The following MAGI2 variants were observed in gnomAD, a reference collection of about 807,000 sequenced individuals.
MAGI2 encodes the protein membrane-associated guanylate kinase, WW and PDZ domain-containing protein 2.
A neutral mutation model predicts 133.3 loss-of-function variants in MAGI2; 35 were observed. The observed-to-expected ratio is 0.26, with a 90% CI of 0.20 to 0.35. MAGI2 has a LOEUF of 0.35. Among genes scored for constraint, MAGI2 ranks in the 10% least tolerant of loss-of-function variants. The pLI, the probability that MAGI2 is intolerant of heterozygous loss-of-function variation, is 1.00. For synonymous variants in MAGI2, 729 were observed against 710.6 expected, an observed-to-expected ratio of 1.03 and a Z score of -0.41; for missense variants, 1,636 against 1,863.4, an observed-to-expected ratio of 0.88 and a Z score of 2.25.
chr7:79,383,984 A>G (rs1351264989), intron 1 of MAGI2, among the ~76,000 whole-genome samples: 1 of 151,614 alleles, frequency 6.6e-6, no homozygotes, highest in Non-Finnish European at 1.5e-5. Flanking sequence ...GGAAGAGACA[A>G]CTGTATATCA....
intron 1 of MAGI2, among the ~76,000 whole-genome samples, chr7:79,102,084 T>A (rs1489994027): frequency 6.6e-6 from 1 of 152,156 alleles, no homozygotes; most frequent in Non-Finnish European, 1.5e-5. Flanking sequence ...ATTATACAAA[T>A]TTTAATGACT....
chr7:78,829,785 T>A (rs1217779611), intron 2 of MAGI2, among the ~76,000 whole-genome samples: 1 of 152,116 alleles, frequency 6.6e-6, no homozygotes, highest in Non-Finnish European at 1.5e-5. Context: ...AAAAGTTCAA[T>A]TTTTTAGTTC....
chr7:78,194,843 T>G (rs375545023), intron 12 of MAGI2, 31 bp downstream of exon 12: 2 of 1,527,616 alleles, frequency 1.3e-6, no homozygotes, highest in South Asian at 1.3e-5. Context: ...CTATTATTAA[T>G]GTACCCTTGT....
chr7:79,110,187 C>G (rs1420101127), intron 1 of MAGI2, among the ~76,000 whole-genome samples: 2 of 152,006 alleles, frequency 1.3e-5, no homozygotes, highest in African/African-American at 4.8e-5. Flanking sequence ...CAGAAGCTTG[C>G]TACAGAAAAA....
At chr7:79,255,718 T>C (rs1227263289) in intron 1 of MAGI2, among the ~76,000 whole-genome samples, 1 of 152,068 alleles carries the variant, frequency 6.6e-6, no homozygotes, top group African/African-American at 2.4e-5. Context: ...GGTGGTTTCA[T>C]ATAAAGAAGC....
At chr7:78,564,780 ATTCT>A (rs1800759497) in intron 3 of MAGI2, among the ~76,000 whole-genome samples, 1 of 72,174 alleles carries the variant, frequency 1.4e-5, no homozygotes, top group Non-Finnish European at 3.0e-5. Context: ...TCTCTTTGAC[ATTCT>A]TTTTTTTTTT....
intron 1 of MAGI2, among the ~76,000 whole-genome samples, chr7:79,183,762 A>G (rs1826824250): frequency 1.3e-5 from 2 of 151,998 alleles, no homozygotes; most frequent in South Asian, 4.1e-4. Context: ...ATAAATAGAT[A>G]AAGAAAATGT....
chr7:78,552,557 C>A (rs747534476), intron 3 of MAGI2, among the ~76,000 whole-genome samples: 3 of 152,168 alleles, frequency 2.0e-5, no homozygotes, highest in Non-Finnish European at 4.4e-5. Context: ...CCTTATTAAA[C>A]ATTTGTAAAG....
intron 21 of MAGI2, among the ~76,000 whole-genome samples, chr7:78,077,746 T>TTTTTA (rs1473877873): frequency 1.3e-5 from 2 of 148,978 alleles, no homozygotes; most frequent in African/African-American, 2.5e-5. Flanking sequence ...TTTTTTTTTT[T>TTTTTA]GAGACAGAGT....
intron 1 of MAGI2, among the ~76,000 whole-genome samples, chr7:79,049,768 ACACT>A (rs1299545842): frequency 1.3e-5 from 2 of 150,832 alleles, no homozygotes; most frequent in African/African-American, 4.9e-5. Context: ...ATGTCTGATA[ACACT>A]CATATGTAGA....
chr7:78,053,368 G>T (rs570454643), intron 21 of MAGI2, among the ~76,000 whole-genome samples: 1 of 152,202 alleles, frequency 6.6e-6, no homozygotes, highest in East Asian at 1.9e-4. Context: ...GGACTGTGTT[G>T]TCCCCTGTCT....
At chr7:78,974,931 CA>C (rs1457682683) in intron 2 of MAGI2, among the ~76,000 whole-genome samples, 1 of 151,684 alleles carries the variant, frequency 6.6e-6, no homozygotes, top group East Asian at 2.0e-4. Flanking sequence ...AAGATTACCA[CA>C]AATATAGCAT....
In MAGI2 at chr7:78,019,521, C is replaced by A; in HGVS notation, c.4162G>T (p.Ala1388Ser). Reference sequence around the variant, plus strand: ...CCGCCGCCGCCCGGGCCGGCAAACGCCGGCGCAGCCCCCGGGCCTTCGCGC... The same window carrying A: ...CCGCCGCCGCCCGGGCCGGCAAACGACGGCGCAGCCCCCGGGCCTTCGCGC... ...CRREGPGAAP[A>S]FAGPGGGGSG... The change falls in exon 22 of 22, where the codon GCG becomes TCG. Residue 1388 changes from alanine to serine, a missense_variant. Ala to Ser is a moderately conservative substitution (Grantham distance 99). Coordinates refer to ENST00000354212, the MANE Select transcript of MAGI2 (RefSeq NM_012301.4). The A allele has an allele frequency of 9.2e-6, 9 of 980,454 alleles. No homozygotes were observed. The highest frequency in any genetic ancestry group is 1.1e-5 in the Non-Finnish European group (9 of 828,256). 60.7% of individuals were successfully genotyped at this position (980,454 alleles called of 1,614,324 possible). A position where few individuals can be genotyped will look rare whatever the true frequency, so the allele number is the denominator to read the frequency against.
At chr7:79,011,968 C>G (rs1584672597) in intron 1 of MAGI2, 1 of 135,246 alleles carries the variant, frequency 7.4e-6, no homozygotes, top group African/African-American at 2.8e-5. Flanking sequence ...TTCTTCCTTT[C>G]TTCTTTCTTT....
At chr7:78,322,560 C>T (rs990069830) in intron 9 of MAGI2, among the ~76,000 whole-genome samples, 16 of 152,022 alleles carry the variant, frequency 1.1e-4, no homozygotes, top group African/African-American at 1.7e-4. Context: ...AGTTGAACAA[C>T]GAGAACACAT....
At chr7:78,303,963 C>T (rs1242389210) in intron 9 of MAGI2, among the ~76,000 whole-genome samples, 1 of 152,126 alleles carries the variant, frequency 6.6e-6, no homozygotes, top group African/African-American at 2.4e-5. Flanking sequence ...CCCCCACTCC[C>T]CACCAAGCTA....
intron 2 of MAGI2, among the ~76,000 whole-genome samples, chr7:78,757,991 A>G (rs1050161361): frequency 1.2e-4 from 19 of 152,210 alleles, no homozygotes; most frequent in African/African-American, 4.3e-4. Context: ...AGCATATTCT[A>G]TCAAAGGTTT....
At chr7:78,054,816 T>A (rs1433666340) in intron 21 of MAGI2, among the ~76,000 whole-genome samples, 1 of 151,802 alleles carries the variant, frequency 6.6e-6, no homozygotes, top group Non-Finnish European at 1.5e-5. Flanking sequence ...CCAAGCCTGG[T>A]TAATCTTTGT....
rs537790654 is a variant in MAGI2 at position 78,437,237 on chromosome 7, G to A, written c.1045+52524C>T. 7.2e-5 allele frequency among the ~76,000 whole-genome samples: 11 copies of A among 152,232 alleles called. No individual in the cohort carries two copies. In the East Asian group the frequency reaches 7.7e-4, roughly 11 times the overall value. On this transcript the variant is annotated intron_variant, in intron 6 of 21. Transcript: ENST00000354212. ...CCATTCACAGCTTTGTCTCAGTTGC[G>A]TCTGTACCACCTCAAGAGACAGGGC...
Sources: allele counts gnomAD v4.1 joint callset (sites outside exome capture counted in the v4.1 genomes callset), GRCh38; gene constraint gnomAD v4.1.1; transcripts MANE v1.5; gene names NCBI Gene and HGNC (gene_info 2026-07-23, HGNC 2026-07-21).